GRIA1: variants seen among roughly 807,000 people sequenced by gnomAD.
GRIA1 encodes glutamate ionotropic receptor AMPA type subunit 1.
Under a neutral mutation model 99.2 loss-of-function variants are expected in GRIA1, and 31 were observed. The ratio of observed to expected loss-of-function variants is 0.31; its 90% CI spans 0.23 to 0.42. The LOEUF (loss-of-function observed/expected upper bound fraction) is 0.42, where lower values mean the gene tolerates loss of function less well. Ranked by LOEUF, GRIA1 falls within the 10% of genes least tolerant of loss-of-function variation. The pLI, the probability that GRIA1 is intolerant of heterozygous loss-of-function variation, is 1.00. For synonymous variants in GRIA1, 438 were observed against 432.4 expected, an observed-to-expected ratio of 1.01 and a Z score of -0.16; for missense variants, 782 against 1,157.5, an observed-to-expected ratio of 0.68 and a Z score of 4.71.
intron 2 of GRIA1, among the ~76,000 whole-genome samples, chr5:153,611,073 C>G (rs1428679480): frequency 6.6e-6 from 1 of 152,036 alleles, no homozygotes; most frequent in Non-Finnish European, 1.5e-5. Context: ...ATATAGACTC[C>G]TAGGATTTGC....
In GRIA1 at chr5:153,720,908, A is replaced by C. The variant is rs574832049; in HGVS notation, c.1823+14841A>C. ...TGATGTGTATAGTCTCATTAGGAAGATAAGACTAACACACATGAAACAGTG... is the reference window on the plus strand; with the variant it reads ...TGATGTGTATAGTCTCATTAGGAAGCTAAGACTAACACACATGAAACAGTG... On this transcript the variant is annotated intron_variant, in intron 11 of 15. Coordinates refer to ENST00000285900, the MANE Select transcript of GRIA1 (RefSeq NM_000827.4). Among the ~76,000 whole-genome samples, 18 of 152,338 alleles carry C rather than the reference A, an allele frequency of 1.2e-4. 1 individual carries two copies. The highest frequency in any genetic ancestry group is 4.1e-4 in the African/African-American group (17 of 41,586).
intron 2 of GRIA1, among the ~76,000 whole-genome samples, chr5:153,495,615 C>T (rs768255144): frequency 6.6e-6 from 1 of 152,144 alleles, no homozygotes; most frequent in Admixed American, 6.5e-5. Context: ...TTGCACAGGA[C>T]TGGTCCATTG....
chr5:153,673,655 GTTTC>G (rs1247673650), intron 5 of GRIA1, among the ~76,000 whole-genome samples: 1 of 152,094 alleles, frequency 6.6e-6, no homozygotes, highest in Non-Finnish European at 1.5e-5. Flanking sequence ...CTCTGCCTCA[GTTTC>G]TTTATCTGGC....
rs1178854177 is a variant in GRIA1, at chr5:153,606,279, G to A, written c.221-40649G>A. Reference sequence around the variant, plus strand: ...GTTCTGCTTCTGGTCTTTCTTTTCTGTTCCACTGGTTTGTTTATTTCTCAG... The same window carrying A: ...GTTCTGCTTCTGGTCTTTCTTTTCTATTCCACTGGTTTGTTTATTTCTCAG... On this transcript the variant is annotated intron_variant, in intron 2 of 15. Transcript: ENST00000285900. 1.3e-5 allele frequency among the ~76,000 whole-genome samples: 2 copies of A among 152,010 alleles called. 1 individual carries two copies. Among genetic ancestry groups the A allele is most frequent in the Non-Finnish European group, 2.9e-5 (2 of 67,938 alleles).
intron 2 of GRIA1, among the ~76,000 whole-genome samples, chr5:153,624,670 G>GA (rs373339484): frequency 6.6e-6 from 1 of 152,094 alleles, no homozygotes. Flanking sequence ...CAACAGGGGG[G>GA]AAAAAAATTG....
intron 11 of GRIA1, among the ~76,000 whole-genome samples, chr5:153,741,042 T>C (rs1443787542): frequency 7.3e-6 from 1 of 137,406 alleles, no homozygotes; most frequent in South Asian, 2.5e-4. Flanking sequence ...AGTGGCACAA[T>C]CTCTTCTCAC....
At chr5:153,503,918 T>C (rs1755242518) in intron 2 of GRIA1, among the ~76,000 whole-genome samples, 1 of 152,206 alleles carries the variant, frequency 6.6e-6, no homozygotes, top group South Asian at 2.1e-4. Flanking sequence ...TATGCTTAGC[T>C]TTTCTCTAAA....
chr5:153,664,309 G>T (rs1488796480), intron 5 of GRIA1, among the ~76,000 whole-genome samples: 1 of 152,162 alleles, frequency 6.6e-6, no homozygotes, highest in African/African-American at 2.4e-5. Flanking sequence ...TTGCAGCAAA[G>T]GTTACTGAGG....
At position 153,664,138 on chromosome 5, in the gene GRIA1, A is replaced by T. The variant is rs190702819; in HGVS notation, c.699+8266A>T. Among the ~76,000 whole-genome samples, 728 of 152,264 alleles carry T rather than the reference A, an allele frequency of 4.8e-3. 2 individuals carry two copies. The highest frequency in any genetic ancestry group is 8.0e-3 in the Non-Finnish European group (545 of 68,026). On this transcript the variant is annotated intron_variant, in intron 5 of 15. Coordinates refer to ENST00000285900, the MANE Select transcript of GRIA1 (RefSeq NM_000827.4). ...TTCCTTACCTATCCCTCTTTTTAAG[A>T]CAGAAAAATAGAGAATACAATGGGA...
chr5:153,695,391 T>C (rs1235616958), intron 8 of GRIA1, among the ~76,000 whole-genome samples: 1 of 152,142 alleles, frequency 6.6e-6, no homozygotes, highest in Non-Finnish European at 1.5e-5. Flanking sequence ...GGAATCCCAA[T>C]AGGTGAAATA....
At position 153,765,078 on chromosome 5, in the gene GRIA1, GAA is replaced by G. The variant is rs374393108; in HGVS notation, c.2022+455_2022+456del. Among the ~76,000 whole-genome samples, 84 of 148,864 alleles carry G rather than the reference GAA, an allele frequency of 5.6e-4. 1 individual carries two copies. The highest frequency in any genetic ancestry group is 1.9e-3 in the African/African-American group (78 of 40,648). ...TGATGAATAAGAGGATAGTATATGG[GAA>G]AAAAAAAACTGGAAAAGGTGATCTA... On this transcript the variant is annotated intron_variant, in intron 12 of 15. Transcript: ENST00000285900.
chr5:153,558,783 A>G (rs530323612), intron 2 of GRIA1, among the ~76,000 whole-genome samples: 1 of 152,290 alleles, frequency 6.6e-6, no homozygotes, highest in Non-Finnish European at 1.5e-5. Flanking sequence ...GAATTGAGAA[A>G]TATACATTAA....
chr5:153,546,924 C>T (rs1407886317), intron 2 of GRIA1, among the ~76,000 whole-genome samples: 2 of 152,168 alleles, frequency 1.3e-5, no homozygotes, highest in Admixed American at 6.5e-5. Context: ...AAGCAATGTC[C>T]TTCTCTGTTT....
chr5:153,680,893 A>G (rs17115015), intron 7 of GRIA1, among the ~76,000 whole-genome samples: 4,566 of 152,306 alleles, frequency 0.03, 196 homozygotes, highest in African/African-American at 0.095. Context: ...AAAATCTATC[A>G]TCCAAACGGG....
At chr5:153,661,570 T>C (rs1755371774) in intron 5 of GRIA1, among the ~76,000 whole-genome samples, 1 of 152,144 alleles carries the variant, frequency 6.6e-6, no homozygotes, top group African/African-American at 2.4e-5. Context: ...ATCTACAAGC[T>C]CCTAGAGGAA....
In GRIA1 at chr5:153,646,934, C is replaced by T; in HGVS notation, c.227C>T (p.Ser76Phe). 2 of 1,613,728 alleles carry T rather than the reference C, an allele frequency of 1.2e-6. No homozygotes were observed. The highest frequency in any genetic ancestry group is 1.7e-6 in the Non-Finnish European group (2 of 1,179,782). Residue 76 changes from serine to phenylalanine, a missense_variant, in exon 3 of 16, where the codon TCC (serine) becomes TTC (phenylalanine). Transcript: ENST00000285900. ...DSFEMTYRFC[S>F]QFSKGVYAIF... Reference sequence around the variant, plus strand: ...TCCTTCTCTTCTCTTGTAGTCTGTTCCCAGTTCTCCAAAGGAGTCTATGCC... The same window carrying T: ...TCCTTCTCTTCTCTTGTAGTCTGTTTCCAGTTCTCCAAAGGAGTCTATGCC...
intron 2 of GRIA1, among the ~76,000 whole-genome samples, chr5:153,498,971 T>G (rs1334352623): frequency 6.6e-6 from 1 of 152,206 alleles, no homozygotes; most frequent in Non-Finnish European, 1.5e-5. Context: ...TTTATTATTT[T>G]CTTCTAATAA....
At chr5:153,784,927 G>A (rs979508192) in intron 13 of GRIA1, among the ~76,000 whole-genome samples, 3 of 152,160 alleles carry the variant, frequency 2.0e-5, no homozygotes, top group African/African-American at 4.8e-5. Flanking sequence ...GGCAGTGGCA[G>A]GGTAAATGAG....
intron 2 of GRIA1, among the ~76,000 whole-genome samples, chr5:153,507,021 G>T (rs1057460334): frequency 6.6e-6 from 1 of 152,154 alleles, no homozygotes; most frequent in African/African-American, 2.4e-5. Context: ...TACTTGGGAG[G>T]CTGAGGCACG....
Sources: gnomAD v4.1 joint callset for allele counts (sites outside exome capture counted in the v4.1 genomes callset) on GRCh38, gnomAD v4.1.1 for gene constraint, MANE v1.5 for transcripts, NCBI Gene and HGNC (gene_info 2026-07-23, HGNC 2026-07-21) for gene names.